The following SMARCD3 variants were observed in gnomAD, a reference collection of about 807,000 sequenced individuals.
SMARCD3 encodes the protein SWI/SNF-related matrix-associated actin-dependent regulator of chromatin subfamily D member 3.
In SMARCD3, 14 loss-of-function variants were observed where a neutral mutation model predicts 58.0. That is an observed-to-expected ratio of 0.24 (90% CI 0.16 to 0.38). The LOEUF (loss-of-function observed/expected upper bound fraction) is 0.38, where lower values mean the gene tolerates loss of function less well. SMARCD3 is among the 10% of genes least tolerant of loss of function. The probability of loss-of-function intolerance (pLI) is 1.00; values close to 1 mark genes in which losing one functional copy is unlikely to be tolerated. For missense variants in SMARCD3, 408 were observed against 636.9 expected (o/e 0.64, Z 3.87); for synonymous variants, 253 against 253.8 (o/e 1.00, Z 0.03).
intron 9 of SMARCD3, 42 bp downstream of exon 9, chr7:151,240,383 A>T: frequency 6.3e-7 from 1 of 1,587,196 alleles, no homozygotes; most frequent in Non-Finnish European, 8.6e-7. Flanking sequence ...GGCAGGAACG[A>T]GATCATTCCC....
chr7:151,255,600 T>C (rs1192106693), intron 2 of SMARCD3, among the ~76,000 whole-genome samples: 4 of 152,136 alleles, frequency 2.6e-5, no homozygotes, highest in Admixed American at 2.0e-4. Flanking sequence ...CCCTCAGCCA[T>C]GCACTCCCAA....
At chr7:151,256,232 G>A (rs754438004) in intron 2 of SMARCD3, among the ~76,000 whole-genome samples, 6 of 147,228 alleles carry the variant, frequency 4.1e-5, no homozygotes, top group Admixed American at 6.9e-5. Context: ...CCCAGGTGGC[G>A]CGATCTCAGC....
At chr7:151,250,403 C>A (rs1803476450), upstream of SMARCD3, among the ~76,000 whole-genome samples, 1 of 151,902 alleles carries the variant, frequency 6.6e-6, no homozygotes, top group Non-Finnish European at 1.5e-5. Context: ...CCTCTGTCTG[C>A]CATAGGTCAT....
chr7:151,251,454 G>A (rs1803506947), upstream of SMARCD3, among the ~76,000 whole-genome samples: 1 of 152,192 alleles, frequency 6.6e-6, no homozygotes, highest in African/African-American at 2.4e-5. Flanking sequence ...AGACACATTT[G>A]CGTACTGCTT....
intron 2 of SMARCD3, among the ~76,000 whole-genome samples, chr7:151,270,181 T>C (rs1296430469): frequency 1.3e-5 from 2 of 151,946 alleles, no homozygotes; most frequent in African/African-American, 4.8e-5. Flanking sequence ...TCCCTCACCA[T>C]AGGAATAACT....
rs1389523780 is a variant in SMARCD3 at position 151,246,592 on chromosome 7, ACCT to A, written c.79-924_79-922del. On this transcript the variant is annotated intron_variant, in intron 1 of 12. Transcript: ENST00000262188. This position sits in a 1 kb window ranked among gnomAD's most constrained non-coding sequence, Gnocchi z 4.4. Reference sequence around the variant, plus strand: ...TTCCTGTCTGCCCAGGTCAGCAGCCACCTCCTCCTCTTCCCATCCCCACCCCAG... The same window carrying A: ...TTCCTGTCTGCCCAGGTCAGCAGCCACCTCCTCTTCCCATCCCCACCCCAG... Among the ~76,000 whole-genome samples, 1 of 151,354 alleles carries A rather than the reference ACCT, an allele frequency of 6.6e-6. No individual in the cohort carries two copies. Among genetic ancestry groups the A allele is most frequent in the Non-Finnish European group, 1.5e-5 (1 of 67,940 alleles).
Position 151,239,220 on chromosome 7 carries a change from C to T in SMARCD3, c.1399-64G>A. ...CTGGTGAGTGATCAGGACAATCCCA[C>T]CTACTGACACCGCCTGCCCTGAAAG... On this transcript the variant is annotated intron_variant, in intron 12 of 12. Transcript: ENST00000262188. This position sits in a 1 kb window ranked among gnomAD's most constrained non-coding sequence, Gnocchi z 7.0. 30 of 1,533,626 alleles carry T rather than the reference C, an allele frequency of 2.0e-5. No individual in the cohort carries two copies. Among genetic ancestry groups the T allele is most frequent in the Non-Finnish European group, 2.7e-5 (30 of 1,106,840 alleles).
rs946799669 is a variant in SMARCD3 at position 151,243,545 on chromosome 7, T to C, written c.333+114A>G. Reference sequence around the variant, plus strand: ...AGCCTCACTTATTAATGAGCTTTTTTAAACAAAAAGTGAAAGTGACTGTGA... The same window carrying C: ...AGCCTCACTTATTAATGAGCTTTTTCAAACAAAAAGTGAAAGTGACTGTGA... On this transcript the variant is annotated intron_variant, in intron 3 of 12. Transcript: ENST00000262188. This position sits in a 1 kb window ranked among gnomAD's most constrained non-coding sequence, Gnocchi z 4.4. 1.4e-6 allele frequency: 1 copy of C among 700,554 alleles called. No individual in the cohort carries two copies. 43.4% of individuals were successfully genotyped at this position (700,554 alleles called of 1,614,324 possible).
In SMARCD3 at chr7:151,239,013, G is replaced by A; in HGVS notation, c.*90C>T. ...TTTTAATCCAGCCCCACACCCCAAG[G>A]TGGCAGAGGAGTGATGCTGGAGCCC... On this transcript the variant is annotated 3_prime_UTR_variant, in exon 13 of 13. Coordinates refer to ENST00000262188, the MANE Select transcript of SMARCD3 (RefSeq NM_001003801.2). The surrounding 1 kb of genome is among the most constrained non-coding windows in gnomAD (Gnocchi z 7.0). The A allele has an allele frequency of 1.5e-6, 2 of 1,321,162 alleles. No individual in the cohort carries two copies. The highest frequency in any genetic ancestry group is 2.2e-6 in the Non-Finnish European group (2 of 913,736). The allele number at this position is 1,321,162 out of a possible 1,614,324, so 81.8% of individuals were successfully genotyped here.
At chr7:151,251,467 A>C (rs2150601442), upstream of SMARCD3, among the ~76,000 whole-genome samples, 1 of 152,292 alleles carries the variant, frequency 6.6e-6, no homozygotes. Flanking sequence ...TACTGCTTTT[A>C]GGTGGGCGAC....
intron 2 of SMARCD3, among the ~76,000 whole-genome samples, chr7:151,265,966 C>A (rs1263782780): frequency 6.6e-6 from 1 of 151,994 alleles, no homozygotes; most frequent in Non-Finnish European, 1.5e-5. Flanking sequence ...TCAATTTTTT[C>A]TTTTCTTTTC....
At chr7:151,258,571 A>G (rs919005542) in intron 2 of SMARCD3, among the ~76,000 whole-genome samples, 2 of 150,990 alleles carry the variant, frequency 1.3e-5, no homozygotes, top group African/African-American at 4.9e-5. Flanking sequence ...CCTAAAAAAA[A>G]AAAAAAAAAG....
Position 151,241,831 on chromosome 7 carries a change from T to G in SMARCD3, c.777+46A>C. On this transcript the variant is annotated intron_variant, in intron 7 of 12. Transcript: ENST00000262188. The surrounding 1 kb of genome is among the most constrained non-coding windows in gnomAD (Gnocchi z 5.3). ...ACCACTTTGGGACCTAGCCCTGCCCTGAGGGCCTTGTGTGGCGTGTACGGG... is the reference window on the plus strand; with the variant it reads ...ACCACTTTGGGACCTAGCCCTGCCCGGAGGGCCTTGTGTGGCGTGTACGGG... The G allele has an allele frequency of 6.5e-7, 1 of 1,534,402 alleles. No individual in the cohort carries two copies. Among genetic ancestry groups the G allele is most frequent in the South Asian group, 1.2e-5 (1 of 86,410 alleles).
At chr7:151,267,047 C>T (rs1342282148) in intron 2 of SMARCD3, among the ~76,000 whole-genome samples, 2 of 152,190 alleles carry the variant, frequency 1.3e-5, no homozygotes, top group East Asian at 3.9e-4. Flanking sequence ...GCGAACGATA[C>T]AAACCGGAGT....
intron 2 of SMARCD3, among the ~76,000 whole-genome samples, chr7:151,269,132 A>T (rs1235250206): frequency 6.6e-6 from 1 of 152,202 alleles, no homozygotes; most frequent in Non-Finnish European, 1.5e-5. Context: ...CTTTTGAAGG[A>T]AGAGGCCTGG....
rs1366860364 is a variant in SMARCD3 at position 151,241,316 on chromosome 7, A to T, written c.939+176T>A. ...TGGCTGCAGCACAGAGCTAATCCAC[A>T]GTAGGGCCTGAACTAGAATCCTGGT... On this transcript the variant is annotated intron_variant, in intron 8 of 12. Coordinates refer to ENST00000262188, the MANE Select transcript of SMARCD3 (RefSeq NM_001003801.2). The surrounding 1 kb of genome is among the most constrained non-coding windows in gnomAD (Gnocchi z 5.3). 1.5e-6 allele frequency: 1 copy of T among 687,056 alleles called. No homozygotes were observed. Among genetic ancestry groups the T allele is most frequent in the East Asian group, 2.7e-5 (1 of 36,618 alleles). 42.6% of individuals were successfully genotyped at this position (687,056 alleles called of 1,614,324 possible).
chr7:151,259,351 CAAA>C (rs540959643), intron 2 of SMARCD3, among the ~76,000 whole-genome samples: 4 of 107,060 alleles, frequency 3.7e-5, no homozygotes, highest in Non-Finnish European at 1.9e-5. Context: ...GACTCTGTCT[CAAA>C]AAAAAAAAAA....
upstream of SMARCD3, among the ~76,000 whole-genome samples, chr7:151,252,346 C>T (rs897580328): frequency 6.6e-6 from 1 of 152,068 alleles, no homozygotes; most frequent in Non-Finnish European, 1.5e-5. Context: ...TCCTCTATTC[C>T]CTTTTCCCTA....
rs1468250407 is a variant in SMARCD3 at position 151,246,882 on chromosome 7, G to A, written c.79-1211C>T. On this transcript the variant is annotated intron_variant, in intron 1 of 12. Transcript: ENST00000262188. This position sits in a 1 kb window ranked among gnomAD's most constrained non-coding sequence, Gnocchi z 4.4. Reference sequence around the variant, plus strand: ...GCAGGAAGAAGATCAGAGGGCAGGGGATGCAGACCCTGGCACTGTTAACAT... The same window carrying A: ...GCAGGAAGAAGATCAGAGGGCAGGGAATGCAGACCCTGGCACTGTTAACAT... Among the ~76,000 whole-genome samples, 1 of 152,106 alleles carries A rather than the reference G, an allele frequency of 6.6e-6. No homozygotes were observed. The highest frequency in any genetic ancestry group is 1.5e-5 in the Non-Finnish European group (1 of 68,002).
Sources: gnomAD v4.1 joint callset for allele counts (sites outside exome capture counted in the v4.1 genomes callset) on GRCh38, gnomAD v4.1.1 for gene constraint, Gnocchi (gnomAD v3.1) non-coding constraint, MANE v1.5 for transcripts, NCBI Gene and HGNC (gene_info 2026-07-23, HGNC 2026-07-21) for gene names.